ABCC2: variants seen among roughly 807,000 people sequenced by gnomAD.
The protein encoded by ABCC2 is ATP binding cassette subfamily C member 2.
In ABCC2, 157 loss-of-function variants were observed where a neutral mutation model predicts 173.4. The ratio of observed to expected loss-of-function variants is 0.91; its 90% CI spans 0.80 to 1.03. ABCC2 has a LOEUF of 1.03. Ranked by LOEUF, ABCC2 falls within the 50% of genes least tolerant of loss-of-function variation. The pLI is 0.00. For synonymous variants in ABCC2, 657 were observed against 693.5 expected (o/e 0.95, Z 0.83); for missense variants, 1,822 against 1,852.3 (o/e 0.98, Z 0.30).
intron 14 of ABCC2, 43 bp from the exon 15 acceptor site, chr10:99,811,493 G>T (rs371752108): frequency 3.1e-6 from 5 of 1,599,908 alleles, no homozygotes; most frequent in Admixed American, 3.3e-5. Flanking sequence ...AGACAGTCAC[G>T]TGGGGACCTA....
At chr10:99,814,240 TGCAC>T (rs1244219824) in intron 16 of ABCC2, among the ~76,000 whole-genome samples, 1 of 57,624 alleles carries the variant, frequency 1.7e-5, no homozygotes, top group African/African-American at 7.4e-5. Flanking sequence ...TGTGTATATA[TGCAC>T]ACACGTATGT....
chr10:99,831,338 G>A (rs1342747917), intron 21 of ABCC2, among the ~76,000 whole-genome samples: 2 of 152,202 alleles, frequency 1.3e-5, no homozygotes, highest in Non-Finnish European at 1.5e-5. Flanking sequence ...ACAGGGGCAT[G>A]CTATCATGTC....
Position 99,810,122 on chromosome 10 carries a change from G to T in ABCC2, c.1816-12G>T, listed in dbSNP as rs765207080. 1.2e-6 allele frequency: 2 copies of T among 1,611,928 alleles called. No individual in the cohort carries two copies. Among genetic ancestry groups the T allele is most frequent in the African/African-American group, 2.7e-5 (2 of 74,850 alleles). ...GACTTTAATTCTTGAGATCCTTTGTGTCCTTCTCTAGGCCAGTGTTTCCAC... is the reference window on the plus strand; with the variant it reads ...GACTTTAATTCTTGAGATCCTTTGTTTCCTTCTCTAGGCCAGTGTTTCCAC... On this transcript the variant is annotated splice_polypyrimidine_tract_variant and intron_variant, in intron 13 of 31. Transcript: ENST00000647814.
At chr10:99,848,056 G>T (rs1341988426) in intron 30 of ABCC2, among the ~76,000 whole-genome samples, 1 of 152,248 alleles carries the variant, frequency 6.6e-6, no homozygotes, top group Non-Finnish European at 1.5e-5. Context: ...TAGTCTGGCT[G>T]CCTGGTCCAA....
chr10:99,798,995 T>C (rs1215088549), intron 7 of ABCC2, among the ~76,000 whole-genome samples: 1 of 152,174 alleles, frequency 6.6e-6, no homozygotes, highest in Admixed American at 6.5e-5. Context: ...AGTTGCCTGG[T>C]TTTCTAATCT....
At chr10:99,786,997 G>A (rs192879940) in intron 2 of ABCC2, among the ~76,000 whole-genome samples, 65 of 139,466 alleles carry the variant, frequency 4.7e-4, no homozygotes, top group African/African-American at 1.4e-3. Context: ...GCAAGACTCC[G>A]TCTCAAAAAA....
chr10:99,830,746 C>G lies in ABCC2; in HGVS notation c.2778C>G (p.Ser926=). 7 of 1,614,052 alleles carry G rather than the reference C, an allele frequency of 4.3e-6. No individual in the cohort carries two copies. Among genetic ancestry groups the G allele is most frequent in the Non-Finnish European group, 5.1e-6 (6 of 1,180,012 alleles). Residue 926 remains serine, a synonymous_variant, in exon 21 of 32, where the codon TCC becomes TCG. Transcript: ENST00000647814. The stretch of plus-strand genomic sequence containing the variant: ...GGTCCAATGGCAGGCATCTGAAGTC[C>G]CTGAGAAACTCCTTGAAAACTCGGA... ...SSRSNGRHLK[S]LRNSLKTRNV...
At position 99,794,428 on chromosome 10, in the gene ABCC2, G is replaced by C; in HGVS notation, c.592G>C (p.Ala198Pro). 1 of 1,613,964 alleles carries C rather than the reference G, an allele frequency of 6.2e-7. No homozygotes were observed. The highest frequency in any genetic ancestry group is 2.2e-5 in the East Asian group (1 of 44,864). Residue 198 changes from alanine to proline, a missense_variant, in exon 6 of 32, where the codon GCT (alanine) becomes CCT (proline). Transcript: ENST00000647814. ...TGTCTTTCAGAATCCATCATCCATA[G>C]CTTCATTCCTGAGTAGCATTACCTA... ...NESSNNPSSI[A>P]SFLSSITYSW...
intron 30 of ABCC2, among the ~76,000 whole-genome samples, chr10:99,847,584 C>T (rs2039036103): frequency 6.7e-6 from 1 of 149,136 alleles, no homozygotes; most frequent in African/African-American, 2.5e-5. Context: ...GCCTGGGCAA[C>T]AGAGCAAGAC....
At chr10:99,794,683 T>C (rs2037868269) in intron 6 of ABCC2, 1 of 519,658 alleles carries the variant, frequency 1.9e-6, no homozygotes, top group African/African-American at 1.9e-5. Flanking sequence ...TAGCTGGGAT[T>C]ACAGGTGTGA....
chr10:99,826,283 T>A (rs967588020), intron 19 of ABCC2, among the ~76,000 whole-genome samples: 3 of 152,204 alleles, frequency 2.0e-5, no homozygotes, highest in African/African-American at 7.2e-5. Flanking sequence ...CATCACAGGC[T>A]TTTACATATT....
chr10:99,851,001 A>T (rs2039081156), intron 31 of ABCC2, among the ~76,000 whole-genome samples: 2 of 152,254 alleles, frequency 1.3e-5, no homozygotes, highest in African/African-American at 2.4e-5. Flanking sequence ...AACTATTCAT[A>T]TCTTGAGGGC....
intron 14 of ABCC2, among the ~76,000 whole-genome samples, chr10:99,810,486 T>C (rs1358862796): frequency 6.6e-6 from 1 of 152,192 alleles, no homozygotes; most frequent in African/African-American, 2.4e-5. Flanking sequence ...GAAGTCAGGA[T>C]AGAGCCAAGT....
chr10:99,812,951 A>C lies in ABCC2; in HGVS notation c.1968-67A>C, dbSNP rs988276357. 45 of 1,591,612 alleles carry C rather than the reference A, an allele frequency of 2.8e-5. No homozygotes were observed. The African/African-American group carries it at 5.5e-4, about 19-fold the overall frequency. On this transcript the variant is annotated intron_variant, in intron 15 of 31. Transcript: ENST00000647814. The stretch of plus-strand genomic sequence containing the variant: ...ACCAGACTTCATGGAGACTCAGAGA[A>C]GTGACTTGAACTACTCTTCAATACC...
chr10:99,806,073 C>CTCTCTG (rs779146023), intron 11 of ABCC2, among the ~76,000 whole-genome samples: 1 of 42,910 alleles, frequency 2.3e-5, no homozygotes, highest in South Asian at 1.2e-3. Context: ...CTCTCTCTCT[C>CTCTCTG]TGTCTGTGTG....
intron 19 of ABCC2, among the ~76,000 whole-genome samples, chr10:99,821,346 G>T (rs2038534128): frequency 2.0e-5 from 3 of 152,234 alleles, no homozygotes; most frequent in African/African-American, 7.2e-5. Context: ...CAAGAGGCAT[G>T]CCTTCCTCTC....
rs1364714112 is a variant in ABCC2 at position 99,814,150 on chromosome 10, TATGTATACACAC to T, written c.2094+1007_2094+1018del. 1.4e-4 allele frequency among the ~76,000 whole-genome samples: 7 copies of T among 49,514 alleles called. 3 individuals are homozygous for T. Among genetic ancestry groups the T allele is most frequent in the South Asian group, 1.5e-3 (2 of 1,356 alleles). 32.5% of individuals were successfully genotyped at this position (49,514 alleles called of 152,430 possible). The stretch of plus-strand genomic sequence containing the variant: ...ATATGTGTGTATATATACACACATG[TATGTATACACAC>T]GTATATATACACACATGTATGTATA... On this transcript the variant is annotated intron_variant, in intron 16 of 31. Coordinates refer to ENST00000647814, the MANE Select transcript of ABCC2 (RefSeq NM_000392.5).
Position 99,847,110 on chromosome 10 carries a change from G to A in ABCC2, c.4296G>A (p.Glu1432=). Residue 1432 remains glutamate (E), a synonymous_variant, in exon 30 of 32, where the codon GAG becomes GAA. Transcript: ENST00000647814. ...TTGGGTTATCCCACGAAGTGACAGA[G>A]GCTGGTGGCAACCTGAGGTAATGTT... The part of the protein sequence containing the change: ...LQLGLSHEVT[E]AGGNLSIGQR... The A allele has an allele frequency of 6.2e-7, 1 of 1,614,156 alleles. No homozygotes were observed. Among genetic ancestry groups the A allele is most frequent in the Non-Finnish European group, 8.5e-7 (1 of 1,180,032 alleles).
chr10:99,845,665 C>T lies in ABCC2; in HGVS notation c.4029C>T (p.Leu1343=). 1 of 1,614,020 alleles carries T rather than the reference C, an allele frequency of 6.2e-7. No individual in the cohort carries two copies. Among genetic ancestry groups the T allele is most frequent in the East Asian group, 2.2e-5 (1 of 44,878 alleles). The change falls in exon 29 of 32, where the codon CTC becomes CTT. Residue 1343 remains leucine (L), a synonymous_variant. Coordinates refer to ENST00000647814, the MANE Select transcript of ABCC2 (RefSeq NM_000392.5). ...VGRTGAGKSS[L]TNCLFRILEA... is the part of the protein sequence containing the mutation. Reference sequence around the variant, plus strand: ...GGACAGGAGCTGGAAAGTCATCCCTCACAAACTGCCTCTTCAGAATCTTAG... The same window carrying T: ...GGACAGGAGCTGGAAAGTCATCCCTTACAAACTGCCTCTTCAGAATCTTAG...
Sources: allele counts gnomAD v4.1 joint callset (sites outside exome capture counted in the v4.1 genomes callset), GRCh38; gene constraint gnomAD v4.1.1; transcripts MANE v1.5; gene names NCBI Gene and HGNC (gene_info 2026-07-23, HGNC 2026-07-21).